COQ4: variants seen among roughly 807,000 people sequenced by gnomAD.
The protein encoded by COQ4 is coenzyme Q4.
Under a neutral mutation model 30.2 loss-of-function variants are expected in COQ4, and 36 were observed. The observed-to-expected ratio is 1.19, with a 90% CI of 0.91 to 1.57. COQ4 has a LOEUF of 1.57. Among genes scored for constraint, COQ4 ranks in the 40% most tolerant of loss-of-function variants. The pLI is 0.00. For missense variants in COQ4, 369 were observed against 371.9 expected (o/e 0.99, Z 0.07); for synonymous variants, 197 against 161.0 (o/e 1.22, Z -1.69).
At chr9:128,323,342 A>G (rs1486831069) in intron 2 of COQ4, 195 bp downstream of exon 2, 1 of 602,730 alleles carries the variant, frequency 1.7e-6, no homozygotes, top group East Asian at 3.1e-5. Flanking sequence ...GGAGGGAGAA[A>G]TGGGCGTGAA....
chr9:128,322,870 G>A lies in COQ4; in HGVS notation c.12G>A (p.Leu4=). The A allele has an allele frequency of 6.3e-7, 1 of 1,576,800 alleles. No homozygotes were observed. Reference sequence around the variant, plus strand: ...GGACGCCCGCTGCCATGGCGACTCTGCTGCGCCCTGTCCTCCGTCGGCTCT... The same window carrying A: ...GGACGCCCGCTGCCATGGCGACTCTACTGCGCCCTGTCCTCCGTCGGCTCT... MAT[L]LRPVLRRLCG... is the part of the protein sequence containing the mutation. The change falls in exon 1 of 7, where the codon CTG becomes CTA. Residue 4 remains leucine, a synonymous_variant. Transcript: ENST00000300452.
rs201212305 is a variant in COQ4 at position 128,325,202 on chromosome 9, C to G, written c.262C>G (p.Gln88Glu). Residue 88 changes from glutamine to glutamate, a missense_variant, in exon 3 of 7, where the codon CAG becomes GAG. Coordinates refer to ENST00000300452, the MANE Select transcript of COQ4 (RefSeq NM_016035.5). ...CCGCACCCTGAAGGTCCTCAGGGAC[C>G]AGATGAGGAGGGATCCAGAGGGTGC... Reference protein sequence around the residue: ...GHRTLKVLRDQMRRDPEGAQI... With the variant: ...GHRTLKVLRDEMRRDPEGAQI... The G allele has an allele frequency of 1.3e-5, 21 of 1,614,132 alleles. No individual in the cohort carries two copies. The East Asian group carries it at 4.5e-4, about 34-fold the overall frequency.
At position 128,328,103 on chromosome 9, in the gene COQ4, G is replaced by A. The variant is rs58743629; in HGVS notation, c.402+2222G>A. On this transcript the variant is annotated intron_variant, in intron 4 of 6. Coordinates refer to ENST00000300452, the MANE Select transcript of COQ4 (RefSeq NM_016035.5). ...GGCCCCTTGTGTTTAGGAAAAGGAA[G>A]GTTGACCAGTGTGGCCGCAGAGGAG... Among the ~76,000 whole-genome samples the A allele has an allele frequency of 0.01, 1,582 of 152,344 alleles. 56 individuals are homozygous for A. In the East Asian group the frequency reaches 0.11, roughly 10 times the overall value.
Position 128,332,212 on chromosome 9 carries a change from T to C in COQ4, c.462T>C (p.Tyr154=), listed in dbSNP as rs1237978232. The C allele has an allele frequency of 1.9e-6, 3 of 1,611,828 alleles. No homozygotes were observed. Among genetic ancestry groups the C allele is most frequent in the Non-Finnish European group, 2.5e-6 (3 of 1,179,154 alleles). Residue 154 remains tyrosine, a synonymous_variant, in exon 5 of 7, where the codon TAT becomes TAC. Coordinates refer to ENST00000300452, the MANE Select transcript of COQ4 (RefSeq NM_016035.5). ...TRFVDDEELA[Y]VIQRYREVHD... is the part of the protein sequence containing the mutation. ...TCGTGGATGATGAGGAGCTAGCGTA[T>C]GTGATTCAGCGGTACCGGGAGGTGC...
intron 2 of COQ4, among the ~76,000 whole-genome samples, chr9:128,323,800 A>G (rs1002093248): frequency 1.4e-4 from 21 of 152,210 alleles, no homozygotes; most frequent in Non-Finnish European, 2.6e-4. Context: ...AAAAAAAAAT[A>G]CAAGAATTAA....
Position 128,333,754 on chromosome 9 carries a change from GACA to G in COQ4, c.*113_*115del. On this transcript the variant is annotated 3_prime_UTR_variant, in exon 7 of 7. Coordinates refer to ENST00000300452, the MANE Select transcript of COQ4 (RefSeq NM_016035.5). ...CCTCTTCTTTGAACACTGACCCTTGGACAACATTTATCATAATTTGTCATAACC... is the reference window on the plus strand; with the variant it reads ...CCTCTTCTTTGAACACTGACCCTTGGACATTTATCATAATTTGTCATAACC... 9.7e-7 allele frequency: 1 copy of G among 1,026,252 alleles called. No homozygotes were observed. Among genetic ancestry groups the G allele is most frequent in the Non-Finnish European group, 1.3e-6 (1 of 745,574 alleles). The allele number at this position is 1,026,252 out of a possible 1,614,324, so 63.6% of individuals were successfully genotyped here.
intron 4 of COQ4, among the ~76,000 whole-genome samples, chr9:128,329,408 G>C (rs1014309084): frequency 6.6e-6 from 1 of 151,750 alleles, no homozygotes; most frequent in Admixed American, 6.6e-5. Context: ...TTTGAGTCTC[G>C]CTCTGTCACC....
In COQ4 at chr9:128,325,787, C is replaced by G. The variant is rs761787873; in HGVS notation, c.308C>G (p.Pro103Arg). 6.2e-7 allele frequency: 1 copy of G among 1,614,010 alleles called. No homozygotes were observed. The change falls in exon 4 of 7, where the codon CCC becomes CGC. Residue 103 changes from proline (P) to arginine (R), a missense_variant. Physicochemically the swap from Pro to Arg is moderately radical, Grantham distance 103. Coordinates refer to ENST00000300452, the MANE Select transcript of COQ4 (RefSeq NM_016035.5). ...PEGAQILQER[P>R]RISTSTLDLG... ...CAAGTCTTGCCTTTCAGGGAGCGTC[C>G]CCGGATTTCGACATCCACCCTCGAC...
chr9:128,329,397 T>A (rs560543560), intron 4 of COQ4, among the ~76,000 whole-genome samples: 23 of 152,252 alleles, frequency 1.5e-4, no homozygotes, highest in Middle Eastern at 6.8e-3. Context: ...TTATTTATTT[T>A]TTTGAGTCTC....
At chr9:128,323,217 G>T (rs1318302151) in intron 2 of COQ4, 70 bp downstream of exon 2, 3 of 1,443,840 alleles carry the variant, frequency 2.1e-6, no homozygotes, top group African/African-American at 2.9e-5. Context: ...CTGGAACATA[G>T]CCTAGGTCGG....
At position 128,322,847 on chromosome 9, in the gene COQ4, A is replaced by T. The variant is rs759529986; in HGVS notation, c.-12A>T. On this transcript the variant is annotated 5_prime_UTR_variant, in exon 1 of 7. Transcript: ENST00000300452. ...CTTCGTACCCGCCCATCCTCCGCGGACGCCCGCTGCCATGGCGACTCTGCT... is the reference window on the plus strand; with the variant it reads ...CTTCGTACCCGCCCATCCTCCGCGGTCGCCCGCTGCCATGGCGACTCTGCT... 12 of 1,541,606 alleles carry T rather than the reference A, an allele frequency of 7.8e-6. No homozygotes were observed. The highest frequency in any genetic ancestry group is 4.9e-5 in the East Asian group (2 of 41,124).
chr9:128,324,263 G>A (rs1260053233), intron 2 of COQ4, among the ~76,000 whole-genome samples: 2 of 151,850 alleles, frequency 1.3e-5, no homozygotes, highest in African/African-American at 4.8e-5. Context: ...ACAGGCATGA[G>A]CCACCACGCC....
intron 5 of COQ4, 58 bp downstream of exon 5, chr9:128,332,340 G>A (rs369959067): frequency 6.3e-7 from 1 of 1,587,652 alleles, no homozygotes; most frequent in African/African-American, 1.3e-5. Context: ...GGCCAGGGCA[G>A]GGCTTGCCTA....
chr9:128,324,536 A>G (rs114103984), intron 2 of COQ4, among the ~76,000 whole-genome samples: 3,478 of 152,270 alleles, frequency 0.023, 142 homozygotes, highest in African/African-American at 0.079. Context: ...GAAGCAGGCC[A>G]GGCATGGTGG....
intron 4 of COQ4, 172 bp from the exon 5 acceptor site, chr9:128,331,981 A>G: frequency 3.1e-6 from 2 of 646,250 alleles, no homozygotes; most frequent in South Asian, 2.0e-5. Context: ...CGCCCACCTT[A>G]GCCTCCCAAA....
Position 128,329,742 on chromosome 9 carries a change from T to G in COQ4, c.403-2411T>G, listed in dbSNP as rs1054833850. Among the ~76,000 whole-genome samples the G allele has an allele frequency of 4.6e-5, 7 of 152,116 alleles. No homozygotes were observed. In the East Asian group the frequency reaches 1.3e-3, roughly 29 times the overall value. ...AGATTGCAAGGATGAAAGGATAATA[T>G]ATGTAAAAGACACCCTAGGTGCCGG... On this transcript the variant is annotated intron_variant, in intron 4 of 6. Coordinates refer to ENST00000300452, the MANE Select transcript of COQ4 (RefSeq NM_016035.5).
intron 4 of COQ4, among the ~76,000 whole-genome samples, chr9:128,330,260 C>G (rs1245210252): frequency 6.6e-6 from 1 of 150,886 alleles, no homozygotes; most frequent in Non-Finnish European, 1.5e-5. Context: ...GTAATCCTAG[C>G]TACTCAGGAA....
At chr9:128,331,439 CAG>C (rs763288331) in intron 4 of COQ4, 89 of 152,100 alleles carry the variant, frequency 5.9e-4, no homozygotes, top group Non-Finnish European at 9.6e-4. Flanking sequence ...GGATGGGGGA[CAG>C]GGGACACTTA....
At chr9:128,326,667 TCTC>T (rs1221796802) in intron 4 of COQ4, among the ~76,000 whole-genome samples, 1 of 151,918 alleles carries the variant, frequency 6.6e-6, no homozygotes, top group African/African-American at 2.4e-5. Context: ...ATGGTCTCGA[TCTC>T]CTGACCACGT....
Sources: gnomAD v4.1 joint callset for allele counts (sites outside exome capture counted in the v4.1 genomes callset) on GRCh38, gnomAD v4.1.1 for gene constraint, MANE v1.5 for transcripts, NCBI Gene and HGNC (gene_info 2026-07-23, HGNC 2026-07-21) for gene names.